Variants in UGT1A8 observed in about 807,000 individuals in gnomAD.
The protein encoded by UGT1A8 is UDP glucuronosyltransferase family 1 member A8.
In UGT1A8, 39 loss-of-function variants were observed where a neutral mutation model predicts 45.3. That is an observed-to-expected ratio of 0.86 (90% CI 0.67 to 1.12). UGT1A8 has a LOEUF of 1.12. Ranked by LOEUF, UGT1A8 falls within the 50% of genes most tolerant of loss-of-function variation. UGT1A8 has a pLI of 0.00. For synonymous variants in UGT1A8, 275 were observed against 249.2 expected, an observed-to-expected ratio of 1.10 and a Z score of -0.97; for missense variants, 719 against 664.9, an observed-to-expected ratio of 1.08 and a Z score of -0.90.
chr2:233,719,682 T>C lies in UGT1A8; in HGVS notation c.856-47352T>C, dbSNP rs2076795429. 1 of 1,613,968 alleles carries C rather than the reference T, an allele frequency of 6.2e-7. No individual in the cohort carries two copies. Among genetic ancestry groups the C allele is most frequent in the Admixed American group, 1.7e-5 (1 of 60,002 alleles). The stretch of plus-strand genomic sequence containing the variant: ...CAACTGTGCCAACGGGAAGCCACTA[T>C]CTCAGGTCTGTATTGGTGCCTTCAT... On this transcript the variant is annotated intron_variant, in intron 1 of 4. Transcript: ENST00000373450.
intron 1 of UGT1A8, chr2:233,636,751 TACTC>T (rs2073301599): frequency 6.2e-7 from 1 of 1,614,072 alleles, no homozygotes; most frequent in South Asian, 1.1e-5. Context: ...AGTGAAGACT[TACTC>T]AACCTCGTAC....
intron 1 of UGT1A8, among the ~76,000 whole-genome samples, chr2:233,667,688 A>G (rs2074106522): frequency 6.6e-6 from 1 of 152,232 alleles, no homozygotes; most frequent in African/African-American, 2.4e-5. Flanking sequence ...TTTACAAGAA[A>G]AAATCAAACA....
At chr2:233,676,936 T>C (rs1162328474) in intron 1 of UGT1A8, among the ~76,000 whole-genome samples, 1 of 152,248 alleles carries the variant, frequency 6.6e-6, no homozygotes, top group African/African-American at 2.4e-5. Flanking sequence ...TTGATCTATT[T>C]GTGAAATATT....
chr2:233,685,520 T>A (rs1295833237), intron 1 of UGT1A8, among the ~76,000 whole-genome samples: 1 of 152,206 alleles, frequency 6.6e-6, no homozygotes, highest in African/African-American at 2.4e-5. Flanking sequence ...GATCTATGCT[T>A]TCCCCATTGC....
At chr2:233,640,287 T>A (rs753702451) in intron 1 of UGT1A8, among the ~76,000 whole-genome samples, 21 of 152,120 alleles carry the variant, frequency 1.4e-4, no homozygotes, top group Non-Finnish European at 2.8e-4. Flanking sequence ...TGTTTTGCTG[T>A]ATTAATTCAT....
intron 1 of UGT1A8, among the ~76,000 whole-genome samples, chr2:233,686,521 C>A (rs752399800): frequency 6.6e-6 from 1 of 152,196 alleles, no homozygotes; most frequent in South Asian, 2.1e-4. Context: ...CCTCCACCTG[C>A]GTTAGAACCT....
chr2:233,672,482 G>A (rs746547264), intron 1 of UGT1A8: 2 of 1,613,912 alleles, frequency 1.2e-6, no homozygotes, highest in Admixed American at 3.3e-5. Context: ...GGTGCACAGT[G>A]CCCTGCTCCT....
intron 1 of UGT1A8, among the ~76,000 whole-genome samples, chr2:233,698,365 C>T (rs1046100549): frequency 1.3e-5 from 2 of 152,148 alleles, no homozygotes; most frequent in African/African-American, 4.8e-5. Context: ...TGCTGAATGC[C>T]ATGAAATTGT....
intron 1 of UGT1A8, among the ~76,000 whole-genome samples, chr2:233,675,547 GGC>G (rs2074327303): frequency 1.3e-5 from 2 of 152,226 alleles, no homozygotes; most frequent in South Asian, 4.1e-4. Flanking sequence ...GTAAGATTCT[GGC>G]TATAGTCCAA....
chr2:233,669,242 A>G (rs2074134177), intron 1 of UGT1A8, among the ~76,000 whole-genome samples: 1 of 143,780 alleles, frequency 7.0e-6, no homozygotes, highest in Non-Finnish European at 1.5e-5. Context: ...AAATTAGGTA[A>G]TAATTGCTCT....
chr2:233,713,546 A>G, intron 1 of UGT1A8: 1 of 1,613,984 alleles, frequency 6.2e-7, no homozygotes, highest in South Asian at 1.1e-5. Context: ...TTAAGGGCAC[A>G]CAGTGTCCAA....
intron 1 of UGT1A8, among the ~76,000 whole-genome samples, chr2:233,656,505 A>G (rs959413111): frequency 6.6e-6 from 1 of 152,244 alleles, no homozygotes; most frequent in African/African-American, 2.4e-5. Flanking sequence ...CTGCTAGAGA[A>G]AAAGAAAAAC....
intron 1 of UGT1A8, among the ~76,000 whole-genome samples, chr2:233,695,913 C>T (rs1176946557): frequency 6.6e-6 from 1 of 152,022 alleles, no homozygotes; most frequent in African/African-American, 2.4e-5. Context: ...TTTTTTTTCT[C>T]CACACACCAA....
chr2:233,703,328 T>C (rs937149928), intron 1 of UGT1A8, among the ~76,000 whole-genome samples: 4 of 152,052 alleles, frequency 2.6e-5, no homozygotes, highest in African/African-American at 9.7e-5. Flanking sequence ...CAATTTTGAG[T>C]CTTCTCTCTT....
intron 1 of UGT1A8, chr2:233,693,522 G>T: frequency 4.3e-6 from 7 of 1,614,162 alleles, no homozygotes; most frequent in Non-Finnish European, 5.1e-6. Flanking sequence ...CTCTTCAGGG[G>T]TTTTCCGTGT....
intron 1 of UGT1A8, chr2:233,722,212 AT>A (rs2077000405): frequency 6.5e-6 from 1 of 153,656 alleles, no homozygotes; most frequent in African/African-American, 2.4e-5. Context: ...ATGAAAGATC[AT>A]TTACACCAAA....
Position 233,690,683 on chromosome 2 carries a change from G to A in UGT1A8, c.855+72121G>A. ...CAACCAGGGCAGGCCTGGGTCTCCAGCGGAGCTACTCTTTAGGGATCGTCA... is the reference window on the plus strand; with the variant it reads ...CAACCAGGGCAGGCCTGGGTCTCCAACGGAGCTACTCTTTAGGGATCGTCA... On this transcript the variant is annotated intron_variant, in intron 1 of 4. Coordinates refer to ENST00000373450, the MANE Select transcript of UGT1A8 (RefSeq NM_019076.5). 4.0e-6 allele frequency: 5 copies of A among 1,258,652 alleles called. No individual in the cohort carries two copies. In the South Asian group the frequency reaches 5.4e-5, roughly 14 times the overall value. 78.0% of individuals were successfully genotyped at this position (1,258,652 alleles called of 1,614,324 possible).
chr2:233,741,547 T>G (rs4663963), intron 1 of UGT1A8: 82,548 of 151,614 alleles, frequency 0.54, 24,567 homozygotes, highest in African/African-American at 0.79. Flanking sequence ...GATACTTCTT[T>G]TATGGTTATT....
chr2:233,642,255 C>T (rs917217367), intron 1 of UGT1A8, among the ~76,000 whole-genome samples: 1 of 152,162 alleles, frequency 6.6e-6, no homozygotes, highest in Non-Finnish European at 1.5e-5. Context: ...TGTCTTCAAG[C>T]TCAGTAATTA....
Sources: gnomAD v4.1 joint callset for allele counts (sites outside exome capture counted in the v4.1 genomes callset) on GRCh38, gnomAD v4.1.1 for gene constraint, MANE v1.5 for transcripts, NCBI Gene and HGNC (gene_info 2026-07-23, HGNC 2026-07-21) for gene names.